CPPED1: variants seen among roughly 807,000 people sequenced by gnomAD.
The protein encoded by CPPED1 is serine/threonine-protein phosphatase CPPED1.
Under a neutral mutation model 28.0 loss-of-function variants are expected in CPPED1, and 28 were observed. The ratio of observed to expected loss-of-function variants is 1.00; its 90% CI spans 0.74 to 1.37. CPPED1 has a LOEUF of 1.37. Ranked by LOEUF, CPPED1 falls within the 40% of genes most tolerant of loss-of-function variation. CPPED1 has a pLI of 0.00. For synonymous variants in CPPED1, 198 were observed against 180.2 expected, an observed-to-expected ratio of 1.10 and a Z score of -0.79; for missense variants, 504 against 416.5, an observed-to-expected ratio of 1.21 and a Z score of -1.83.
intron 2 of CPPED1, chr16:12,761,254 G>C (rs1205759713): frequency 7.6e-6 from 1 of 132,192 alleles, no homozygotes; most frequent in Non-Finnish European, 1.5e-5. Flanking sequence ...TCCAGCCTGG[G>C]AGACAGAGCC....
At chr16:12,734,094 G>A (rs1033893969) in intron 2 of CPPED1, among the ~76,000 whole-genome samples, 3 of 97,034 alleles carry the variant, frequency 3.1e-5, no homozygotes, top group African/African-American at 9.6e-5. Flanking sequence ...TTTTTGAGAC[G>A]AGTCATGCTC....
At position 12,682,045 on chromosome 16, in the gene CPPED1, C is replaced by CTTTTTTTTTTTTTTTTTTTTTTT. The variant is rs1304864300; in HGVS notation, c.716-16931_716-16930insAAAAAAAAAAAAAAAAAAAAAAA. On this transcript the variant is annotated intron_variant, in intron 3 of 3. Transcript: ENST00000381774. This position sits in a 1 kb window ranked among gnomAD's most constrained non-coding sequence, Gnocchi z 6.1. ...CCCCCAGACTCACTGCCGTTTATTA[C>CTTTTTTTTTTTTTTTTTTTTTTT]TTTTTTGAGACAGTGTCTCTCTCGG... is the stretch of plus-strand genomic sequence containing the variant. Among the ~76,000 whole-genome samples, 1 of 151,982 alleles carries CTTTTTTTTTTTTTTTTTTTTTTT rather than the reference C, an allele frequency of 6.6e-6. No homozygotes were observed. The highest frequency in any genetic ancestry group is 1.5e-5 in the Non-Finnish European group (1 of 67,994).
intron 2 of CPPED1, among the ~76,000 whole-genome samples, chr16:12,757,158 G>A (rs1180604475): frequency 3.3e-5 from 5 of 151,920 alleles, no homozygotes; most frequent in African/African-American, 1.2e-4. Context: ...GCACCTCGAG[G>A]GTGACCAACT....
chr16:12,704,730 G>A lies in CPPED1; in HGVS notation c.609C>T (p.Phe203=). The A allele has an allele frequency of 1.2e-6, 2 of 1,614,214 alleles. No individual in the cohort carries two copies. The highest frequency in any genetic ancestry group is 1.7e-6 in the Non-Finnish European group (2 of 1,180,034). The part of the protein sequence containing the change: ...RQRHCQHAIV[F]QHIPLFLESI... The stretch of plus-strand genomic sequence containing the variant: ...TCTCCAGGAACAGCGGGATGTGCTG[G>A]AAGACGATGGCATGCTGGCAGTGCC... The change falls in exon 3 of 4, where the codon TTC becomes TTT. Residue 203 remains phenylalanine, a synonymous_variant. Coordinates refer to ENST00000381774, the MANE Select transcript of CPPED1 (RefSeq NM_018340.3).
chr16:12,776,918 C>CA (rs1043605027), intron 2 of CPPED1, among the ~76,000 whole-genome samples: 39 of 150,876 alleles, frequency 2.6e-4, no homozygotes, highest in Non-Finnish European at 1.0e-4. Context: ...GACTCCATCT[C>CA]AAAAAAAAAG....
At chr16:12,747,887 T>G (rs975154643) in intron 2 of CPPED1, among the ~76,000 whole-genome samples, 1 of 152,218 alleles carries the variant, frequency 6.6e-6, no homozygotes, top group African/African-American at 2.4e-5. Flanking sequence ...CTGTTCACTG[T>G]GTGCGCATTT....
chr16:12,749,514 C>T (rs1351703919), intron 2 of CPPED1, among the ~76,000 whole-genome samples: 1 of 152,178 alleles, frequency 6.6e-6, no homozygotes, highest in Non-Finnish European at 1.5e-5. Flanking sequence ...TCGAAGTCAT[C>T]CATGATGACT....
intron 1 of CPPED1, among the ~76,000 whole-genome samples, chr16:12,803,374 G>T (rs921340855): frequency 6.6e-6 from 1 of 152,220 alleles, no homozygotes; most frequent in Non-Finnish European, 1.5e-5. Flanking sequence ...CTGAGGCCAA[G>T]ATGCTAATGC....
intron 2 of CPPED1, among the ~76,000 whole-genome samples, chr16:12,726,446 G>T (rs964693270): frequency 7.4e-5 from 11 of 149,268 alleles, no homozygotes; most frequent in African/African-American, 2.5e-4. Context: ...GGGTTCAAGC[G>T]ATTCTCCTAC....
intron 3 of CPPED1, among the ~76,000 whole-genome samples, chr16:12,671,002 C>T (rs2079850309): frequency 6.6e-6 from 1 of 152,084 alleles, no homozygotes; most frequent in Admixed American, 6.6e-5. Context: ...AGGTGCCTGC[C>T]ACCATGCCCA....
In CPPED1 at chr16:12,803,357, G is replaced by A. The variant is rs968930466; in HGVS notation, c.70+350C>T. Among the ~76,000 whole-genome samples, 5 of 152,344 alleles carry A rather than the reference G, an allele frequency of 3.3e-5. 1 individual carries two copies. The highest frequency in any genetic ancestry group is 5.9e-5 in the Non-Finnish European group (4 of 68,036). ...CCACAAGTATTCCCGTTTCACAGAT[G>A]TGGAAGCTGAGGCCAAGATGCTAAT... On this transcript the variant is annotated intron_variant, in intron 1 of 3. Transcript: ENST00000381774.
chr16:12,693,439 G>A (rs190040053), intron 3 of CPPED1, among the ~76,000 whole-genome samples: 4 of 152,140 alleles, frequency 2.6e-5, no homozygotes, highest in East Asian at 3.9e-4. Context: ...CAAGCGACCC[G>A]CCCACCTCGG....
At chr16:12,708,180 A>C (rs72779047) in intron 2 of CPPED1, among the ~76,000 whole-genome samples, 22,191 of 151,978 alleles carry the variant, frequency 0.15, 1,783 homozygotes, top group Admixed American at 0.18. Flanking sequence ...TGTTGGAAAA[A>C]AAAAAGATGA....
chr16:12,754,097 G>A (rs917032138), intron 2 of CPPED1, among the ~76,000 whole-genome samples: 1 of 152,164 alleles, frequency 6.6e-6, no homozygotes, highest in African/African-American at 2.4e-5. Context: ...GCTTTTTCAG[G>A]TAGAAGAAAA....
chr16:12,671,163 G>A (rs867324076), intron 3 of CPPED1, among the ~76,000 whole-genome samples: 6 of 152,080 alleles, frequency 3.9e-5, no homozygotes, highest in Non-Finnish European at 4.4e-5. Context: ...ATTTTTAAAA[G>A]TATACTTATC....
intron 3 of CPPED1, among the ~76,000 whole-genome samples, chr16:12,693,836 T>G (rs1016247814): frequency 1.7e-4 from 26 of 152,222 alleles, no homozygotes; most frequent in African/African-American, 5.3e-4. Flanking sequence ...CTTCATAAAC[T>G]TCAACAGACA....
In CPPED1 at chr16:12,735,542, T is replaced by G. The variant is rs142998405; in HGVS notation, c.290-30493A>C. Among the ~76,000 whole-genome samples the G allele has an allele frequency of 3.3e-5, 5 of 152,334 alleles. No homozygotes were observed. The East Asian group carries it at 9.7e-4, about 29-fold the overall frequency. ...CTGGCCTCAAACTCTTGACCTCAAGTGATCAGCCCACCTTGCATCCCAAAG... is the reference window on the plus strand; with the variant it reads ...CTGGCCTCAAACTCTTGACCTCAAGGGATCAGCCCACCTTGCATCCCAAAG... On this transcript the variant is annotated intron_variant, in intron 2 of 3. Coordinates refer to ENST00000381774, the MANE Select transcript of CPPED1 (RefSeq NM_018340.3).
chr16:12,758,672 C>T (rs950270817), intron 2 of CPPED1, among the ~76,000 whole-genome samples: 1 of 152,124 alleles, frequency 6.6e-6, no homozygotes, highest in Non-Finnish European at 1.5e-5. Context: ...TGCCTGAGAT[C>T]AATGGCAAGA....
At chr16:12,725,693 G>A (rs566339207) in intron 2 of CPPED1, among the ~76,000 whole-genome samples, 51 of 152,252 alleles carry the variant, frequency 3.3e-4, no homozygotes, top group African/African-American at 1.2e-3. Flanking sequence ...TGGAGACCTC[G>A]TGTTCAAATC....
Sources: allele counts gnomAD v4.1 joint callset (sites outside exome capture counted in the v4.1 genomes callset), GRCh38; gene constraint gnomAD v4.1.1; non-coding constraint Gnocchi (gnomAD v3.1); transcripts MANE v1.5; gene names NCBI Gene and HGNC (gene_info 2026-07-23, HGNC 2026-07-21).